SLC9A9: variants seen among roughly 807,000 people sequenced by gnomAD.
The protein encoded by SLC9A9 is sodium/hydrogen exchanger 9.
A neutral mutation model predicts 77.8 loss-of-function variants in SLC9A9; 62 were observed. The observed-to-expected ratio is 0.80, with a 90% CI of 0.65 to 0.98. The LOEUF (loss-of-function observed/expected upper bound fraction) is 0.98. SLC9A9 is among the 50% of genes least tolerant of loss of function. The pLI is 0.00. For synonymous variants in SLC9A9, 320 were observed against 283.5 expected, an observed-to-expected ratio of 1.13 and a Z score of -1.29; for missense variants, 775 against 774.9, an observed-to-expected ratio of 1.00 and a Z score of 0.00.
intron 4 of SLC9A9, among the ~76,000 whole-genome samples, chr3:143,700,446 G>A (rs1178007497): frequency 6.6e-6 from 1 of 152,210 alleles, no homozygotes; most frequent in Non-Finnish European, 1.5e-5. Context: ...CTGCTCGGAA[G>A]AGTGAGTCCT....
chr3:143,691,692 G>A (rs1560033666), intron 5 of SLC9A9, among the ~76,000 whole-genome samples: 1 of 152,122 alleles, frequency 6.6e-6, no homozygotes, highest in East Asian at 1.9e-4. Context: ...ACTTAACTAA[G>A]ATGCCCAGTC....
rs961895514 is a variant in SLC9A9, at chr3:143,559,899, C to T, written c.1001-7449G>A. On this transcript the variant is annotated intron_variant, in intron 8 of 15. Transcript: ENST00000316549. ...GTGAGTTCGGATGACTCTGCCCAAG[C>T]GACAGAGCAGTTCACCCCACAAAGG... 2.6e-5 allele frequency among the ~76,000 whole-genome samples: 4 copies of T among 152,294 alleles called. No homozygotes were observed. In the East Asian group the frequency reaches 5.8e-4, roughly 22 times the overall value.
At chr3:143,715,418 T>C (rs558144597) in intron 4 of SLC9A9, among the ~76,000 whole-genome samples, 5 of 152,192 alleles carry the variant, frequency 3.3e-5, no homozygotes, top group Admixed American at 2.0e-4. Flanking sequence ...CCTGCCCACA[T>C]AGTCTTCAAG....
chr3:143,743,115 G>C (rs17651150), intron 4 of SLC9A9, among the ~76,000 whole-genome samples: 8,601 of 151,854 alleles, frequency 0.057, 292 homozygotes, highest in Middle Eastern at 0.075. Flanking sequence ...CAGGTAACAG[G>C]CTCCACCAGT....
Position 143,652,283 on chromosome 3 carries a change from T to G in SLC9A9, c.727A>C (p.Asn243His). The G allele has an allele frequency of 6.2e-7, 1 of 1,613,378 alleles. No homozygotes were observed. Among genetic ancestry groups the G allele is most frequent in the Non-Finnish European group, 8.5e-7 (1 of 1,179,698 alleles). ...GTAAGGACTATGGCCACTGCATCAT[T>G]CAACACACTCTCTCCAAACAAGAGT... is the stretch of plus-strand genomic sequence containing the variant. The part of the protein sequence containing the change: ...YTLLFGESVL[N>H]DAVAIVLTYS... The change falls in exon 6 of 16, where the codon AAT (asparagine) becomes CAT (histidine). Residue 243 changes from asparagine to histidine, a missense_variant. Physicochemically the swap from Asn to His is moderately conservative, Grantham distance 68. Transcript: ENST00000316549.
intron 8 of SLC9A9, among the ~76,000 whole-genome samples, chr3:143,561,477 T>C (rs2037083311): frequency 6.6e-6 from 1 of 151,898 alleles, no homozygotes; most frequent in South Asian, 2.1e-4. Context: ...AAAAAGAATA[T>C]ATGAAAAAGA....
intron 6 of SLC9A9, among the ~76,000 whole-genome samples, chr3:143,582,822 C>G (rs2037479367): frequency 6.6e-6 from 1 of 152,124 alleles, no homozygotes; most frequent in Non-Finnish European, 1.5e-5. Flanking sequence ...AAGCAAAGTC[C>G]TCTGGCTTCT....
intron 4 of SLC9A9, among the ~76,000 whole-genome samples, chr3:143,785,517 C>T (rs138615035): frequency 4.6e-4 from 70 of 152,320 alleles, no homozygotes; most frequent in South Asian, 3.9e-3. Flanking sequence ...AGATGAGAAC[C>T]ACAGAACTGC....
At chr3:143,741,177 T>C (rs73154706) in intron 4 of SLC9A9, among the ~76,000 whole-genome samples, 8,638 of 152,206 alleles carry the variant, frequency 0.057, 292 homozygotes, top group Middle Eastern at 0.075. Context: ...GGAATTAAGC[T>C]TCTTTGGAGA....
At chr3:143,490,762 C>A (rs2035729840) in intron 11 of SLC9A9, among the ~76,000 whole-genome samples, 1 of 152,032 alleles carries the variant, frequency 6.6e-6, no homozygotes, top group African/African-American at 2.4e-5. Context: ...CAAAACAGTG[C>A]CAATGAAAGG....
intron 9 of SLC9A9, among the ~76,000 whole-genome samples, chr3:143,531,513 A>G (rs753457299): frequency 6.6e-6 from 1 of 152,256 alleles, no homozygotes; most frequent in Non-Finnish European, 1.5e-5. Flanking sequence ...GACATAATGT[A>G]TAGGAAGTTT....
intron 2 of SLC9A9, among the ~76,000 whole-genome samples, chr3:143,817,349 C>T (rs1237656855): frequency 1.3e-5 from 2 of 151,226 alleles, no homozygotes; most frequent in African/African-American, 4.8e-5. Flanking sequence ...GGGGTTTCAC[C>T]TTGTTAGCCA....
chr3:143,377,563 GAATTTC>G (rs2033207248), intron 13 of SLC9A9, among the ~76,000 whole-genome samples: 1 of 152,252 alleles, frequency 6.6e-6, no homozygotes, highest in Middle Eastern at 3.4e-3. Context: ...ACCAAAACCA[GAATTTC>G]AATGAAGGGA....
chr3:143,426,986 C>T (rs1037640087), intron 12 of SLC9A9, among the ~76,000 whole-genome samples: 6 of 152,172 alleles, frequency 3.9e-5, no homozygotes, highest in East Asian at 3.8e-4. Flanking sequence ...ACTTAACAGC[C>T]GCTACAGTTT....
chr3:143,758,801 A>G (rs1224349900), intron 4 of SLC9A9, among the ~76,000 whole-genome samples: 3 of 152,094 alleles, frequency 2.0e-5, no homozygotes, highest in East Asian at 3.9e-4. Context: ...GTCTTAGTAT[A>G]AAGTGGGCAT....
chr3:143,314,518 T>C (rs1324006109), intron 14 of SLC9A9: 3 of 152,364 alleles, frequency 2.0e-5, no homozygotes, highest in Admixed American at 6.5e-5. Context: ...TAAAATTGAT[T>C]AGCAAGTATC....
At chr3:143,744,491 T>C (rs1261659668) in intron 4 of SLC9A9, among the ~76,000 whole-genome samples, 1 of 152,178 alleles carries the variant, frequency 6.6e-6, no homozygotes, top group Non-Finnish European at 1.5e-5. Flanking sequence ...ACTTCAGGGC[T>C]GAAAACAGGA....
At chr3:143,786,930 A>G (rs904998621) in intron 4 of SLC9A9, among the ~76,000 whole-genome samples, 1 of 152,288 alleles carries the variant, frequency 6.6e-6, no homozygotes, top group Admixed American at 6.5e-5. Flanking sequence ...AGTGAAGAAG[A>G]CATGGTTTGG....
chr3:143,702,329 T>C (rs1010110246), intron 4 of SLC9A9, among the ~76,000 whole-genome samples: 35 of 152,140 alleles, frequency 2.3e-4, no homozygotes, highest in African/African-American at 8.2e-4. Context: ...GGCTAAATGA[T>C]GAACCAATCA....
Sources: gnomAD v4.1 joint callset for allele counts (sites outside exome capture counted in the v4.1 genomes callset) on GRCh38, gnomAD v4.1.1 for gene constraint, MANE v1.5 for transcripts, NCBI Gene and HGNC (gene_info 2026-07-23, HGNC 2026-07-21) for gene names.